The following PDE8B variants were observed in gnomAD, a reference collection of about 807,000 sequenced individuals.
PDE8B encodes the protein high affinity cAMP-specific and IBMX-insensitive 3',5'-cyclic phosphodiesterase 8B.
PDE8B carries 26 observed loss-of-function variants against 101.3 expected under a neutral mutation model. That is an observed-to-expected ratio of 0.26 (90% CI 0.19 to 0.36). PDE8B has a LOEUF of 0.36. PDE8B is among the 10% of genes least tolerant of loss of function. The pLI, the probability that PDE8B is intolerant of heterozygous loss-of-function variation, is 1.00. For synonymous variants in PDE8B, 424 were observed against 429.3 expected, an observed-to-expected ratio of 0.99 and a Z score of 0.15; for missense variants, 810 against 1,163.1, an observed-to-expected ratio of 0.70 and a Z score of 4.42.
chr5:77,203,333 C>T, the PDE8B span, among the ~76,000 whole-genome samples: 12 of 152,220 alleles, frequency 7.9e-5, no homozygotes, highest in Middle Eastern at 3.2e-3. Context: ...TGATCTTTCT[C>T]TCTGGGCTTG....
At chr5:77,234,498 T>G (rs921117524) in intron 1 of PDE8B, among the ~76,000 whole-genome samples, 6 of 152,066 alleles carry the variant, frequency 3.9e-5, no homozygotes, top group Non-Finnish European at 8.8e-5. Flanking sequence ...GAGTCAAGAC[T>G]CGCATGTTCA....
At chr5:77,365,877 A>G (rs750824747) in intron 10 of PDE8B, among the ~76,000 whole-genome samples, 1 of 152,140 alleles carries the variant, frequency 6.6e-6, no homozygotes, top group Non-Finnish European at 1.5e-5. Flanking sequence ...GGGGTAGATG[A>G]TGTGCTGGGC....
intron 14 of PDE8B, among the ~76,000 whole-genome samples, chr5:77,411,384 C>G (rs1794534641): frequency 1.3e-5 from 2 of 152,248 alleles, no homozygotes; most frequent in South Asian, 2.1e-4. Context: ...CTTGAAAATG[C>G]CAGGAGAGGA....
chr5:77,381,778 G>A (rs1034770976), intron 10 of PDE8B, among the ~76,000 whole-genome samples: 1 of 151,984 alleles, frequency 6.6e-6, no homozygotes, highest in Non-Finnish European at 1.5e-5. Context: ...AGGGGAAGGA[G>A]GCTAGTTCAT....
In PDE8B at chr5:77,211,364, G is replaced by T. The variant is rs541188344; in HGVS notation, c.339+100G>T. The T allele has an allele frequency of 4.3e-6, 5 of 1,174,540 alleles. No individual in the cohort carries two copies. The highest frequency in any genetic ancestry group is 5.9e-6 in the Non-Finnish European group (5 of 850,224). The allele number at this position is 1,174,540 out of a possible 1,614,324, so 72.8% of individuals were successfully genotyped here. ...CGGCGGAGTTGGGTGACCGTGAGGC[G>T]GTTGGTTTGGAGAGGTTGTCACTAA... On this transcript the variant is annotated intron_variant, in intron 1 of 21. Coordinates refer to ENST00000264917, the MANE Select transcript of PDE8B (RefSeq NM_003719.5). The surrounding 1 kb of genome is among the most constrained non-coding windows in gnomAD (Gnocchi z 4.1).
rs559687219 is a variant in PDE8B at position 77,288,257 on chromosome 5, C to T, written c.340-23737C>T. 2.0e-5 allele frequency among the ~76,000 whole-genome samples: 3 copies of T among 152,240 alleles called. No homozygotes were observed. The South Asian group carries it at 6.2e-4, about 32-fold the overall frequency. The stretch of plus-strand genomic sequence containing the variant: ...CAAGGTCCTCACTCTCTGATGGGCC[C>T]TGAACTCCAGTTTTATCCTTCCATT... On this transcript the variant is annotated intron_variant, in intron 1 of 21. Coordinates refer to ENST00000264917, the MANE Select transcript of PDE8B (RefSeq NM_003719.5).
chr5:77,398,720 G>C (rs1317832987), intron 10 of PDE8B, among the ~76,000 whole-genome samples: 1 of 152,202 alleles, frequency 6.6e-6, no homozygotes, highest in African/African-American at 2.4e-5. Context: ...ACAGTGTGAT[G>C]GTTGGCACTC....
chr5:77,239,894 C>A (rs1038601196), intron 1 of PDE8B, among the ~76,000 whole-genome samples: 1 of 151,978 alleles, frequency 6.6e-6, no homozygotes, highest in Non-Finnish European at 1.5e-5. Context: ...GGTCCATTAT[C>A]CCCTGGGAAC....
At chr5:77,420,860 C>G (rs3101867) in intron 19 of PDE8B, among the ~76,000 whole-genome samples, 25,125 of 152,194 alleles carry the variant, frequency 0.17, 2,471 homozygotes, top group Non-Finnish European at 0.22. Context: ...TTATAGTAAA[C>G]AGTATTACTT....
chr5:77,232,426 A>C (rs571374804), intron 1 of PDE8B, among the ~76,000 whole-genome samples: 92 of 152,260 alleles, frequency 6.0e-4, no homozygotes, highest in Non-Finnish European at 1.1e-3. Flanking sequence ...ATATTTGTGA[A>C]TTATTCAAAG....
the PDE8B span, among the ~76,000 whole-genome samples, chr5:77,197,109 C>CTTTTTTT: frequency 2.1e-5 from 2 of 94,660 alleles, no homozygotes; most frequent in African/African-American, 3.6e-5. Flanking sequence ...TTAAAAAAAA[C>CTTTTTTT]TTTTTTTTTT....
chr5:77,246,306 C>T (rs1756931097), intron 1 of PDE8B, among the ~76,000 whole-genome samples: 1 of 152,206 alleles, frequency 6.6e-6, no homozygotes, highest in South Asian at 2.1e-4. Flanking sequence ...GGGGGGTTCC[C>T]TCAGAGGGCA....
upstream of PDE8B, chr5:77,210,462 G>C (rs2149367360): frequency 4.4e-6 from 1 of 228,694 alleles, no homozygotes; most frequent in South Asian, 1.4e-4. This position sits in a 1 kb window ranked among gnomAD's most constrained non-coding sequence, Gnocchi z 4.9. Flanking sequence ...GAGGGAGGGA[G>C]GGGACGGGCG....
the PDE8B span, among the ~76,000 whole-genome samples, chr5:77,143,494 A>G: frequency 6.6e-6 from 1 of 152,356 alleles, no homozygotes; most frequent in East Asian, 1.9e-4. Context: ...TCTATAGCCA[A>G]TATCAGTCAT....
chr5:77,344,823 G>T, intron 6 of PDE8B, 30 bp from the exon 7 acceptor site: 1 of 1,360,460 alleles, frequency 7.4e-7, no homozygotes. Context: ...TTTCATAGAA[G>T]AACTAACTTC....
chr5:77,417,700 A>C (rs1395175424), intron 17 of PDE8B, among the ~76,000 whole-genome samples: 1 of 152,078 alleles, frequency 6.6e-6, no homozygotes, highest in Non-Finnish European at 1.5e-5. Flanking sequence ...GAACCCCTTT[A>C]GCCTTAATTT....
chr5:77,413,621 A>T (rs1222804226), intron 17 of PDE8B, among the ~76,000 whole-genome samples: 1 of 152,142 alleles, frequency 6.6e-6, no homozygotes, highest in Non-Finnish European at 1.5e-5. Flanking sequence ...GACAGAACTT[A>T]ATTATTACAG....
chr5:77,181,082 A>G, the PDE8B span, among the ~76,000 whole-genome samples: 6 of 5,934 alleles, frequency 1.0e-3, no homozygotes, highest in African/African-American at 6.7e-4. Flanking sequence ...CCCCTACCCC[A>G]ACCCCCACCC....
chr5:77,217,203 C>G (rs545997659), intron 1 of PDE8B, among the ~76,000 whole-genome samples: 1 of 152,132 alleles, frequency 6.6e-6, no homozygotes, highest in African/African-American at 2.4e-5. Context: ...TGCCTGCTGT[C>G]CTTCTCCCTA....
Sources: allele counts gnomAD v4.1 joint callset (sites outside exome capture counted in the v4.1 genomes callset), GRCh38; gene constraint gnomAD v4.1.1; non-coding constraint Gnocchi (gnomAD v3.1); transcripts MANE v1.5; gene names NCBI Gene and HGNC (gene_info 2026-07-23, HGNC 2026-07-21).